ADGRL3: variants seen among roughly 807,000 people sequenced by gnomAD.
ADGRL3 encodes the protein calcium-independent alpha-latrotoxin receptor 3.
ADGRL3 carries 62 observed loss-of-function variants against 153.5 expected under a neutral mutation model. The observed-to-expected ratio is 0.40, with a 90% CI of 0.33 to 0.50. The LOEUF (loss-of-function observed/expected upper bound fraction) is 0.50, where lower values mean the gene tolerates loss of function less well. Ranked by LOEUF, ADGRL3 falls within the 20% of genes least tolerant of loss-of-function variation. The pLI, the probability that ADGRL3 is intolerant of heterozygous loss-of-function variation, is 0.47. For missense variants in ADGRL3, 1,641 were observed against 1,859.4 expected, an observed-to-expected ratio of 0.88 and a Z score of 2.16; for synonymous variants, 710 against 672.5, an observed-to-expected ratio of 1.06 and a Z score of -0.86.
intron 5 of ADGRL3, among the ~76,000 whole-genome samples, chr4:61,639,404 GA>G (rs1224742609): frequency 1.3e-5 from 2 of 151,842 alleles, no homozygotes; most frequent in African/African-American, 2.4e-5. Flanking sequence ...TGAAAAATTT[GA>G]AAAAAACTAT....
At chr4:61,832,418 T>C (rs763375809) in intron 9 of ADGRL3, among the ~76,000 whole-genome samples, 1 of 152,182 alleles carries the variant, frequency 6.6e-6, no homozygotes, top group Non-Finnish European at 1.5e-5. Flanking sequence ...TTTGTTGAGA[T>C]TCCTAGGGAG....
In ADGRL3 at chr4:62,007,383, T is replaced by TATATAC. The variant is rs71213024; in HGVS notation, c.3395+9119_3395+9120insTATACA. ...ATATATATATATATATATATATATA[T>TATATAC]ACACACACACACATATATATATACA... On this transcript the variant is annotated intron_variant, in intron 21 of 26. Coordinates refer to ENST00000683033, the MANE Select transcript of ADGRL3 (RefSeq NM_001387552.1). Among the ~76,000 whole-genome samples, 105 of 30,754 alleles carry TATATAC rather than the reference T, an allele frequency of 3.4e-3. 2 individuals are homozygous for TATATAC. The highest frequency in any genetic ancestry group is 0.011 in the African/African-American group (90 of 7,980). 20.2% of individuals were successfully genotyped at this position (30,754 alleles called of 152,430 possible).
intron 2 of ADGRL3, among the ~76,000 whole-genome samples, chr4:61,415,103 T>C (rs1295932421): frequency 6.6e-6 from 1 of 151,900 alleles, no homozygotes; most frequent in African/African-American, 2.4e-5. Context: ...GTGAAGACAG[T>C]CTTTATAAAA....
intron 1 of ADGRL3, among the ~76,000 whole-genome samples, chr4:61,343,205 T>C (rs1459083097): frequency 1.3e-5 from 2 of 152,166 alleles, no homozygotes; most frequent in East Asian, 3.9e-4. Context: ...CCAAACCATA[T>C]TAATCCTAAA....
intron 8 of ADGRL3, among the ~76,000 whole-genome samples, chr4:61,758,885 A>C (rs951480707): frequency 4.6e-5 from 7 of 152,196 alleles, no homozygotes; most frequent in Non-Finnish European, 1.0e-4. Flanking sequence ...GTGGTGACAG[A>C]ATCTCTCAGC....
At chr4:61,566,409 G>A (rs1257461235) in intron 4 of ADGRL3, among the ~76,000 whole-genome samples, 1 of 152,096 alleles carries the variant, frequency 6.6e-6, no homozygotes. Flanking sequence ...CTTAAGTACT[G>A]GGGGTTGGGA....
chr4:61,396,706 A>G (rs2096872468), intron 2 of ADGRL3, among the ~76,000 whole-genome samples: 1 of 152,008 alleles, frequency 6.6e-6, no homozygotes, highest in Non-Finnish European at 1.5e-5. Context: ...CTTTGTCATT[A>G]TTATTAATGC....
chr4:61,500,438 G>C (rs955626948), intron 3 of ADGRL3, among the ~76,000 whole-genome samples: 1 of 152,122 alleles, frequency 6.6e-6, no homozygotes, highest in African/African-American at 2.4e-5. Flanking sequence ...ATGTACCTTT[G>C]ATCAAGTGCT....
At chr4:61,462,247 T>G (rs934323877) in intron 2 of ADGRL3, among the ~76,000 whole-genome samples, 1 of 152,196 alleles carries the variant, frequency 6.6e-6, no homozygotes, top group East Asian at 1.9e-4. Context: ...CTGGATCCAC[T>G]AATCTCTTAC....
chr4:61,858,080 T>TA (rs1194901877), intron 9 of ADGRL3, among the ~76,000 whole-genome samples: 10 of 152,232 alleles, frequency 6.6e-5, no homozygotes, highest in Admixed American at 6.5e-4. Context: ...TGGGAAAAGA[T>TA]AATGTATTAA....
intron 4 of ADGRL3, among the ~76,000 whole-genome samples, chr4:61,551,785 C>T (rs1285042392): frequency 6.6e-6 from 1 of 152,068 alleles, no homozygotes; most frequent in Non-Finnish European, 1.5e-5. Flanking sequence ...AACCTCAGGA[C>T]ATATATTTTT....
chr4:61,645,288 TA>T (rs1400399155), intron 5 of ADGRL3, among the ~76,000 whole-genome samples: 1 of 152,028 alleles, frequency 6.6e-6, no homozygotes, highest in Non-Finnish European at 1.5e-5. Context: ...TATTTACATT[TA>T]AAGTTAATAT....
In ADGRL3 at chr4:61,432,560, TTTTCTTTCTCTTCCTTTCTTTC is replaced by T. The variant is rs2097367893; in HGVS notation, c.-174+49381_-174+49402del. Among the ~76,000 whole-genome samples, 3 of 33,426 alleles carry T rather than the reference TTTTCTTTCTCTTCCTTTCTTTC, an allele frequency of 9.0e-5. 1 individual carries two copies. The highest frequency in any genetic ancestry group is 7.0e-3 in the East Asian group (2 of 284). The allele number at this position is 33,426 out of a possible 152,430, so 21.9% of individuals were successfully genotyped here. A position where few individuals can be genotyped will look rare whatever the true frequency, so the allele number is the denominator to read the frequency against. ...AAAACCAATAGCCTTTATAGATTTC[TTTTCTTTCTCTTCCTTTCTTTC>T]TTTCTTTCTTTCTTTCTTTCTTTCT... On this transcript the variant is annotated intron_variant, in intron 2 of 26. Transcript: ENST00000683033.
rs1734330003 is a variant in ADGRL3 at position 61,200,544 on chromosome 4, G to A, written c.-1461G>A. 6.8e-6 allele frequency among the ~76,000 whole-genome samples: 1 copy of A among 147,740 alleles called. No individual in the cohort carries two copies. Among genetic ancestry groups the A allele is most frequent in the Non-Finnish European group, 1.5e-5 (1 of 67,270 alleles). On this transcript the variant is annotated 5_prime_UTR_variant, in exon 1 of 27. Transcript: ENST00000683033. ...CCGCCGCTGCTGCTGGTTTTTCTCG[G>A]ACTGCTCGTTGCCTCCGCTCCGGCA...
At position 61,348,750 on chromosome 4, in the gene ADGRL3, CTG is replaced by C. The variant is rs538515107; in HGVS notation, c.-239-34372_-239-34371del. On this transcript the variant is annotated intron_variant, in intron 1 of 26. Coordinates refer to ENST00000683033, the MANE Select transcript of ADGRL3 (RefSeq NM_001387552.1). The stretch of plus-strand genomic sequence containing the variant: ...CATGACTATACCACTTTATTAGACA[CTG>C]TTTCATAAACTGGAAGACCTGACAA... 4.9e-3 allele frequency among the ~76,000 whole-genome samples: 741 copies of C among 152,076 alleles called. 4 individuals are homozygous for C. Among genetic ancestry groups the C allele is most frequent in the Middle Eastern group, 0.014 (4 of 294 alleles).
At chr4:61,946,657 G>A (rs2098926084) in intron 15 of ADGRL3, among the ~76,000 whole-genome samples, 2 of 152,200 alleles carry the variant, frequency 1.3e-5, no homozygotes, top group Non-Finnish European at 2.9e-5. Flanking sequence ...TTTATGTTTA[G>A]GTGTATGATC....
At chr4:61,882,631 C>T (rs1037844384) in intron 9 of ADGRL3, among the ~76,000 whole-genome samples, 10 of 152,286 alleles carry the variant, frequency 6.6e-5, no homozygotes, top group Middle Eastern at 3.4e-3. Flanking sequence ...TCTCTGTCCT[C>T]ATTTCACACT....
Position 61,200,806 on chromosome 4 carries a change from G to A in ADGRL3, c.-1199G>A, listed in dbSNP as rs1734413579. On this transcript the variant is annotated 5_prime_UTR_variant, in exon 1 of 27. Coordinates refer to ENST00000683033, the MANE Select transcript of ADGRL3 (RefSeq NM_001387552.1). ...CCGAAGAGACAGCGGCGGCGGCGCA[G>A]AGCCCGGGGCCGCGCGATGAAGCTC... Among the ~76,000 whole-genome samples the A allele has an allele frequency of 2.0e-5, 3 of 150,548 alleles. No homozygotes were observed. The highest frequency in any genetic ancestry group is 2.0e-4 in the Admixed American group (3 of 15,204).
intron 5 of ADGRL3, among the ~76,000 whole-genome samples, chr4:61,591,289 A>G (rs554750727): frequency 3.9e-5 from 6 of 152,306 alleles, no homozygotes; most frequent in African/African-American, 1.4e-4. Flanking sequence ...TCAATAGTAC[A>G]GTGATGTTTT....
Sources: gnomAD v4.1 joint callset for allele counts (sites outside exome capture counted in the v4.1 genomes callset) on GRCh38, gnomAD v4.1.1 for gene constraint, MANE v1.5 for transcripts, NCBI Gene and HGNC (gene_info 2026-07-23, HGNC 2026-07-21) for gene names.